The following PRPSAP2 variants were observed in gnomAD, a reference collection of about 807,000 sequenced individuals.
The protein encoded by PRPSAP2 is phosphoribosyl pyrophosphate synthase-associated protein 2.
Under a neutral mutation model 40.6 loss-of-function variants are expected in PRPSAP2, and 24 were observed. The ratio of observed to expected loss-of-function variants is 0.59; its 90% CI spans 0.43 to 0.83. The LOEUF (loss-of-function observed/expected upper bound fraction) is 0.83. Among genes scored for constraint, PRPSAP2 ranks in the 40% least tolerant of loss-of-function variants. The probability of loss-of-function intolerance (pLI) is 0.00; values close to 1 mark genes in which losing one functional copy is unlikely to be tolerated. For missense variants in PRPSAP2, 292 were observed against 465.6 expected (o/e 0.63, Z 3.43); for synonymous variants, 149 against 164.7 (o/e 0.90, Z 0.73).
chr17:18,864,424 G>A (rs2037280912), intron 1 of PRPSAP2, among the ~76,000 whole-genome samples: 1 of 151,910 alleles, frequency 6.6e-6, no homozygotes, highest in Admixed American at 6.6e-5. Context: ...CTCTAGAGTA[G>A]CTGGGACTAT....
chr17:18,893,822 C>T (rs2039738213), intron 8 of PRPSAP2, among the ~76,000 whole-genome samples: 1 of 152,138 alleles, frequency 6.6e-6, no homozygotes, highest in African/African-American at 2.4e-5. Context: ...AATGATCATC[C>T]CAAAGTATTG....
chr17:18,910,550 A>G (rs1353533381), intron 8 of PRPSAP2, among the ~76,000 whole-genome samples: 1 of 152,070 alleles, frequency 6.6e-6, no homozygotes, highest in Non-Finnish European at 1.5e-5. Flanking sequence ...AAAAATCACT[A>G]AGGGGCATAA....
intron 10 of PRPSAP2, among the ~76,000 whole-genome samples, chr17:18,925,203 CAA>C (rs1230035601): frequency 5.3e-5 from 8 of 152,010 alleles, no homozygotes; most frequent in Non-Finnish European, 1.2e-4. Flanking sequence ...GACCAGTGCA[CAA>C]AAAGAGTGCA....
At chr17:18,892,399 C>T (rs1221169129) in intron 8 of PRPSAP2, among the ~76,000 whole-genome samples, 3 of 152,002 alleles carry the variant, frequency 2.0e-5, no homozygotes, top group African/African-American at 7.2e-5. Flanking sequence ...TTTTGAGGAA[C>T]TATCAGTCTC....
At chr17:18,914,248 G>GTTTT (rs1567738744) in intron 9 of PRPSAP2, among the ~76,000 whole-genome samples, 1 of 76,480 alleles carries the variant, frequency 1.3e-5, no homozygotes, top group East Asian at 3.2e-4. Flanking sequence ...ACATGTTTTT[G>GTTTT]CTTTTTTTTT....
intron 9 of PRPSAP2, among the ~76,000 whole-genome samples, chr17:18,914,248 G>GTTTTTTTT (rs1567738744): frequency 1.3e-5 from 1 of 76,482 alleles, no homozygotes; most frequent in African/African-American, 5.2e-5. Flanking sequence ...ACATGTTTTT[G>GTTTTTTTT]CTTTTTTTTT....
intron 8 of PRPSAP2, among the ~76,000 whole-genome samples, chr17:18,910,002 A>G (rs1242750387): frequency 6.6e-6 from 1 of 152,240 alleles, no homozygotes; most frequent in Non-Finnish European, 1.5e-5. Context: ...CGGAAAGCTC[A>G]GCAATACATA....
intron 10 of PRPSAP2, among the ~76,000 whole-genome samples, chr17:18,927,806 G>C (rs925337125): frequency 2.0e-5 from 3 of 152,044 alleles, no homozygotes; most frequent in African/African-American, 7.2e-5. Context: ...TTGAGGTATG[G>C]TCTGGGTCTG....
chr17:18,925,425 T>C (rs970869453), intron 10 of PRPSAP2, among the ~76,000 whole-genome samples: 3 of 152,204 alleles, frequency 2.0e-5, no homozygotes, highest in Non-Finnish European at 2.9e-5. Context: ...CTTTTTTTCT[T>C]GTCTTTGATG....
intron 8 of PRPSAP2, chr17:18,908,179 T>A: frequency 8.1e-6 from 5 of 618,148 alleles, no homozygotes; most frequent in African/African-American, 1.9e-5. Context: ...AAAAGCCAGA[T>A]GCGGTGGGAA....
chr17:18,912,471 T>C (rs937890955), intron 9 of PRPSAP2, among the ~76,000 whole-genome samples: 2 of 152,198 alleles, frequency 1.3e-5, no homozygotes, highest in Admixed American at 6.5e-5. Context: ...TTCATGTTCA[T>C]CTTACGTGCA....
At chr17:18,899,023 GCCTC>G (rs1263329867) in intron 8 of PRPSAP2, among the ~76,000 whole-genome samples, 1 of 152,092 alleles carries the variant, frequency 6.6e-6, no homozygotes, top group African/African-American at 2.4e-5. Context: ...TCCTGCCTCA[GCCTC>G]CCAAGTAGCT....
Position 18,914,249 on chromosome 17 carries a change from C to CT in PRPSAP2, c.733+3024dup, listed in dbSNP as rs60892883. On this transcript the variant is annotated intron_variant, in intron 9 of 11. Transcript: ENST00000268835. Reference sequence around the variant, plus strand: ...GAGTTCTGTCCTGAACATGTTTTTGCTTTTTTTTTTTTTTTTTTTTTTTTT... The same window carrying CT: ...GAGTTCTGTCCTGAACATGTTTTTGCTTTTTTTTTTTTTTTTTTTTTTTTTT... Among the ~76,000 whole-genome samples, 291 of 48,096 alleles carry CT rather than the reference C, an allele frequency of 6.1e-3. 52 individuals are homozygous for CT. The highest frequency in any genetic ancestry group is 7.2e-3 in the Non-Finnish European group (209 of 29,016). 31.6% of individuals were successfully genotyped at this position (48,096 alleles called of 152,430 possible). A position where few individuals can be genotyped will look rare whatever the true frequency, so the allele number is the denominator to read the frequency against.
intron 3 of PRPSAP2, among the ~76,000 whole-genome samples, chr17:18,866,593 TA>T (rs942283556): frequency 6.6e-5 from 10 of 152,150 alleles, no homozygotes; most frequent in Non-Finnish European, 7.3e-5. Flanking sequence ...TTATATGAAA[TA>T]ACTTATAGCT....
At chr17:18,924,790 C>A (rs1412430376) in intron 10 of PRPSAP2, among the ~76,000 whole-genome samples, 1 of 145,184 alleles carries the variant, frequency 6.9e-6, no homozygotes, top group Non-Finnish European at 1.5e-5. Flanking sequence ...AAAAAAAAGT[C>A]ATCCTGTCAT....
intron 5 of PRPSAP2, among the ~76,000 whole-genome samples, 191 bp from the exon 6 acceptor site, chr17:18,877,507 G>A (rs1460080364): frequency 6.6e-6 from 1 of 152,122 alleles, no homozygotes; most frequent in African/African-American, 2.4e-5. Context: ...ACTTAAGTAG[G>A]GTGGTCAGTT....
intron 8 of PRPSAP2, among the ~76,000 whole-genome samples, chr17:18,906,827 G>A (rs1006404736): frequency 1.4e-4 from 22 of 152,256 alleles, no homozygotes; most frequent in Non-Finnish European, 2.9e-4. Flanking sequence ...GATTACAGGC[G>A]TGAGCTGCCG....
intron 8 of PRPSAP2, among the ~76,000 whole-genome samples, chr17:18,890,967 ATTATAT>A (rs1228936119): frequency 6.6e-6 from 1 of 152,198 alleles, no homozygotes; most frequent in Non-Finnish European, 1.5e-5. Flanking sequence ...CATACTTAAA[ATTATAT>A]GTCGGTTGAG....
intron 1 of PRPSAP2, chr17:18,861,395 C>G (rs2037001160): frequency 6.7e-6 from 1 of 149,828 alleles, no homozygotes; most frequent in Non-Finnish European, 1.5e-5. Flanking sequence ...ACCGGGGAGG[C>G]GGAGGTTATA....
Sources: gnomAD v4.1 joint callset for allele counts (sites outside exome capture counted in the v4.1 genomes callset) on GRCh38, gnomAD v4.1.1 for gene constraint, MANE v1.5 for transcripts, NCBI Gene and HGNC (gene_info 2026-07-23, HGNC 2026-07-21) for gene names.